The following FLT3 variants were observed in gnomAD, a reference collection of about 807,000 sequenced individuals.
FLT3 encodes fms related receptor tyrosine kinase 3.
In FLT3, 46 loss-of-function variants were observed where a neutral mutation model predicts 126.6. That is an observed-to-expected ratio of 0.36 (90% CI 0.29 to 0.46). FLT3 has a LOEUF of 0.46. Among genes scored for constraint, FLT3 ranks in the 20% least tolerant of loss-of-function variants. FLT3 has a pLI of 1.00. For synonymous variants in FLT3, 404 were observed against 434.4 expected, an observed-to-expected ratio of 0.93 and a Z score of 0.87; for missense variants, 1,069 against 1,190.3, an observed-to-expected ratio of 0.90 and a Z score of 1.50.
At chr13:28,091,258 G>A (rs568945405) in intron 1 of FLT3, among the ~76,000 whole-genome samples, 1 of 103,374 alleles carries the variant, frequency 9.7e-6, no homozygotes, top group Non-Finnish European at 1.7e-5. Context: ...GTCTCGCTCT[G>A]TCGCCCAGGC....
rs2137739673 is a variant in FLT3 at position 28,052,531 on chromosome 13, TG to T, written c.614+13del. On this transcript the variant is annotated intron_variant, in intron 5 of 23. Coordinates refer to ENST00000241453, the MANE Select transcript of FLT3 (RefSeq NM_004119.3). ...GAAATTATGAGAATAGCAGCTACCA[TG>T]GATGTGTCATACCTTTCCCCCTGTG... 1 of 1,604,908 alleles carries T rather than the reference TG, an allele frequency of 6.2e-7. No individual in the cohort carries two copies. The highest frequency in any genetic ancestry group is 1.7e-5 in the Admixed American group (1 of 57,670).
At chr13:28,035,787 G>T in intron 11 of FLT3, 114 bp from the exon 12 acceptor site, 2 of 1,251,684 alleles carry the variant, frequency 1.6e-6, no homozygotes, top group Non-Finnish European at 2.3e-6. Flanking sequence ...ATCAGAAACA[G>T]TCTATGACTA....
At chr13:28,055,115 T>C (rs559524181) in intron 4 of FLT3, among the ~76,000 whole-genome samples, 1 of 152,342 alleles carries the variant, frequency 6.6e-6, no homozygotes, top group Admixed American at 6.5e-5. Flanking sequence ...TCATATCCTC[T>C]AGAGCAACTT....
chr13:28,072,327 T>A (rs140427418), intron 1 of FLT3, among the ~76,000 whole-genome samples: 113 of 152,216 alleles, frequency 7.4e-4, no homozygotes, highest in African/African-American at 2.6e-3. Flanking sequence ...CATCAGCTTG[T>A]ATACTTATCT....
chr13:28,015,472 G>C, intron 21 of FLT3, 118 bp downstream of exon 21: 1 of 561,282 alleles, frequency 1.8e-6, no homozygotes, highest in East Asian at 3.7e-5. Context: ...TAAACATAAA[G>C]TCATGGGCTG....
intron 4 of FLT3, among the ~76,000 whole-genome samples, chr13:28,056,102 C>A (rs1216992087): frequency 6.6e-6 from 1 of 152,180 alleles, no homozygotes; most frequent in African/African-American, 2.4e-5. Context: ...TAAGATGATG[C>A]TTCTGGGACT....
At chr13:28,054,185 C>T (rs1005001812) in intron 4 of FLT3, among the ~76,000 whole-genome samples, 3 of 152,132 alleles carry the variant, frequency 2.0e-5, no homozygotes, top group African/African-American at 7.2e-5. Flanking sequence ...AGTGGTTATA[C>T]TAATTTATGT....
At chr13:28,090,252 G>A (rs1878949799) in intron 1 of FLT3, among the ~76,000 whole-genome samples, 1 of 151,214 alleles carries the variant, frequency 6.6e-6, no homozygotes, top group Admixed American at 6.6e-5. Flanking sequence ...TGGCCAAGCT[G>A]GTCTTGAACT....
At position 28,042,774 on chromosome 13, in the gene FLT3, C is replaced by T. The variant is rs565004241; in HGVS notation, c.1206-5486G>A. 9.2e-5 allele frequency among the ~76,000 whole-genome samples: 14 copies of T among 151,926 alleles called. No individual in the cohort carries two copies. The South Asian group carries it at 1.0e-3, about 11-fold the overall frequency. The stretch of plus-strand genomic sequence containing the variant: ...CTCAAACTGCAGAAGTGAATGGGAA[C>T]GGCATTTAGGTAGGAGCTGCTGGTA... On this transcript the variant is annotated intron_variant, in intron 9 of 23. Transcript: ENST00000241453.
Position 28,035,544 on chromosome 13 carries a change from T to G in FLT3, c.1548A>C (p.Ala516=). The G allele has an allele frequency of 1.2e-6, 2 of 1,614,234 alleles. No homozygotes were observed. The highest frequency in any genetic ancestry group is 1.7e-6 in the Non-Finnish European group (2 of 1,180,030). ...AIKGFLVKCC[A]YNSLGTSCET... ...CACAAGATGTGCCAAGGGAATTGTATGCACAGCACTTGACCAGGAACCCTT... is the reference window on the plus strand; with the variant it reads ...CACAAGATGTGCCAAGGGAATTGTAGGCACAGCACTTGACCAGGAACCCTT... The change falls in exon 12 of 24, where the codon GCA becomes GCC. Residue 516 remains alanine (A), a synonymous_variant. Transcript: ENST00000241453.
chr13:28,091,333 T>C (rs1052967832), intron 1 of FLT3, among the ~76,000 whole-genome samples: 1 of 142,408 alleles, frequency 7.0e-6, no homozygotes, highest in Non-Finnish European at 1.5e-5. Flanking sequence ...GCCATTCTCC[T>C]GCCTCAGCCT....
chr13:28,033,840 C>T, intron 15 of FLT3, 47 bp downstream of exon 15: 2 of 1,369,224 alleles, frequency 1.5e-6, no homozygotes, highest in Non-Finnish European at 2.1e-6. Context: ...GAAACTGTGC[C>T]TCCCATTTTT....
At chr13:28,066,065 A>T (rs547381509) in intron 2 of FLT3, among the ~76,000 whole-genome samples, 1 of 152,270 alleles carries the variant, frequency 6.6e-6, no homozygotes, top group South Asian at 2.1e-4. Context: ...CGGAATACGA[A>T]CCAAATTAAT....
intron 23 of FLT3, among the ~76,000 whole-genome samples, chr13:28,004,737 G>A (rs1406531050): frequency 1.3e-5 from 2 of 151,966 alleles, no homozygotes; most frequent in Non-Finnish European, 2.9e-5. Flanking sequence ...AAGCAATTTT[G>A]GTCCTTTTAT....
intron 12 of FLT3, among the ~76,000 whole-genome samples, chr13:28,035,048 G>T (rs1310426806): frequency 6.6e-6 from 1 of 152,176 alleles, no homozygotes; most frequent in Non-Finnish European, 1.5e-5. Flanking sequence ...GGAGAAGTCA[G>T]TTTTGTGAGG....
At chr13:28,095,863 T>C (rs944864253) in intron 1 of FLT3, among the ~76,000 whole-genome samples, 1 of 152,142 alleles carries the variant, frequency 6.6e-6, no homozygotes, top group Admixed American at 6.6e-5. Flanking sequence ...TTTTGTGGGC[T>C]TCTCAAATGA....
At chr13:28,026,488 G>A (rs1337166816) in intron 17 of FLT3, among the ~76,000 whole-genome samples, 5 of 152,212 alleles carry the variant, frequency 3.3e-5, no homozygotes, top group African/African-American at 1.2e-4. Context: ...CAAGGATGAG[G>A]AGGAGATCCA....
intron 8 of FLT3, 97 bp from the exon 9 acceptor site, chr13:28,048,540 A>T: frequency 1.2e-6 from 1 of 851,656 alleles, no homozygotes; most frequent in Non-Finnish European, 1.8e-6. Flanking sequence ...AGTTTAACAC[A>T]GGAAAACTCA....
Position 28,072,419 on chromosome 13 carries a change from CAG to C in FLT3, c.44-1809_44-1808del, listed in dbSNP as rs530701792. On this transcript the variant is annotated intron_variant, in intron 1 of 23. Coordinates refer to ENST00000241453, the MANE Select transcript of FLT3 (RefSeq NM_004119.3). Reference sequence around the variant, plus strand: ...TCTCTCTCTTTTTTTTAAATTGAGACAGAGTCTTGATCTGTTGCCGAGGCTGG... The same window carrying C: ...TCTCTCTCTTTTTTTTAAATTGAGACAGTCTTGATCTGTTGCCGAGGCTGG... 3.6e-3 allele frequency among the ~76,000 whole-genome samples: 552 copies of C among 151,960 alleles called. 2 individuals carry two copies. The highest frequency in any genetic ancestry group is 6.4e-3 in the Non-Finnish European group (437 of 67,980).
Sources: gnomAD v4.1 joint callset for allele counts (sites outside exome capture counted in the v4.1 genomes callset) on GRCh38, gnomAD v4.1.1 for gene constraint, MANE v1.5 for transcripts, NCBI Gene and HGNC (gene_info 2026-07-23, HGNC 2026-07-21) for gene names.